Variants in RXYLT1 observed in about 807,000 individuals in gnomAD.
The protein encoded by RXYLT1 is ribitol-5-phosphate xylosyltransferase 1.
A neutral mutation model predicts 43.5 loss-of-function variants in RXYLT1; 41 were observed. The observed-to-expected ratio is 0.94, with a 90% CI of 0.73 to 1.22. RXYLT1 has a LOEUF of 1.22. Ranked by LOEUF, RXYLT1 falls within the 50% of genes most tolerant of loss-of-function variation. RXYLT1 has a pLI of 0.00. For synonymous variants in RXYLT1, 166 were observed against 194.4 expected (o/e 0.85, Z 1.21); for missense variants, 514 against 532.0 (o/e 0.97, Z 0.33).
At position 63,786,716 on chromosome 12, in the gene RXYLT1, A is replaced by G. The variant is rs139470639; in HGVS notation, c.428+1644A>G. On this transcript the variant is annotated intron_variant, in intron 3 of 5. Coordinates refer to ENST00000261234, the MANE Select transcript of RXYLT1 (RefSeq NM_014254.3). ...GACAATTTCTTAAAATAAGACAACA[A>G]TGAAGTTTGCCACATCAGTTGACTC... Among the ~76,000 whole-genome samples the G allele has an allele frequency of 6.6e-4, 100 of 152,284 alleles. 2 individuals carry two copies. The highest frequency in any genetic ancestry group is 2.4e-3 in the African/African-American group (98 of 41,560).
intron 3 of RXYLT1, 96 bp from the exon 4 acceptor site, chr12:63,801,995 C>T (rs1898169109): frequency 8.6e-7 from 1 of 1,167,390 alleles, no homozygotes; most frequent in Non-Finnish European, 1.2e-6. Context: ...GATTAAATCT[C>T]ATTGTAGATT....
At chr12:63,787,430 T>C (rs1373737190) in intron 3 of RXYLT1, among the ~76,000 whole-genome samples, 1 of 152,192 alleles carries the variant, frequency 6.6e-6, no homozygotes, top group Non-Finnish European at 1.5e-5. Flanking sequence ...AAGTCATCCA[T>C]GAGGGTTTAA....
chr12:63,785,028 T>G lies in RXYLT1; in HGVS notation c.384T>G (p.Ala128=), dbSNP rs772167432. Residue 128 remains alanine (A), a synonymous_variant, in exon 3 of 6, where the codon GCT becomes GCG. Transcript: ENST00000261234. ...EGLLDPSDVT[A]QWREGKSIVG... ...TACTTGATCCCAGCGATGTGACTGC[T>G]CAATGGAGAGAAGGAAAGTCAATCG... is the stretch of plus-strand genomic sequence containing the variant. 7 of 1,613,818 alleles carry G rather than the reference T, an allele frequency of 4.3e-6. No homozygotes were observed. Among genetic ancestry groups the G allele is most frequent in the Non-Finnish European group, 5.9e-6 (7 of 1,179,846 alleles).
At chr12:63,783,539 TCTCTA>T (rs564597506) in intron 2 of RXYLT1, among the ~76,000 whole-genome samples, 285 of 152,274 alleles carry the variant, frequency 1.9e-3, no homozygotes, top group African/African-American at 6.6e-3. Context: ...ATACAGGTTT[TCTCTA>T]CTCTACCTCA....
At chr12:63,783,234 G>A (rs1265444932) in intron 2 of RXYLT1, among the ~76,000 whole-genome samples, 1 of 152,186 alleles carries the variant, frequency 6.6e-6, no homozygotes, top group Non-Finnish European at 1.5e-5. Context: ...GCTGAGGCCG[G>A]TGGATCACTT....
intron 5 of RXYLT1, 158 bp from the exon 6 acceptor site, chr12:63,808,517 A>G: frequency 1.4e-6 from 1 of 715,328 alleles, no homozygotes; most frequent in Non-Finnish European, 2.2e-6. Flanking sequence ...TTTTTAAGAA[A>G]TCTGTTTGGG....
At chr12:63,803,108 G>C (rs1273808335) in intron 4 of RXYLT1, among the ~76,000 whole-genome samples, 1 of 129,450 alleles carries the variant, frequency 7.7e-6, no homozygotes, top group Non-Finnish European at 1.5e-5. Context: ...GATCACTTAA[G>C]CCCAGGAGAT....
chr12:63,785,180 T>G (rs1311352756), intron 3 of RXYLT1, 108 bp downstream of exon 3: 3 of 653,278 alleles, frequency 4.6e-6, no homozygotes, highest in Non-Finnish European at 7.2e-6. Flanking sequence ...ATAAAAATAC[T>G]TCTATTTCAA....
intron 4 of RXYLT1, chr12:63,804,273 AAATT>A (rs1295425272): frequency 6.6e-6 from 1 of 152,304 alleles, no homozygotes; most frequent in South Asian, 2.1e-4. Context: ...CCACAAGAAA[AAATT>A]AACCCAAAAT....
chr12:63,792,310 T>C (rs1897934224), intron 3 of RXYLT1, among the ~76,000 whole-genome samples: 1 of 152,250 alleles, frequency 6.6e-6, no homozygotes, highest in Non-Finnish European at 1.5e-5. Context: ...AAAAATGCAC[T>C]ATTTTGATAT....
intron 3 of RXYLT1, among the ~76,000 whole-genome samples, chr12:63,791,840 A>G (rs1477701405): frequency 6.6e-6 from 1 of 152,236 alleles, no homozygotes; most frequent in African/African-American, 2.4e-5. Context: ...ACATTTTGCA[A>G]GTTAGGAAAC....
intron 2 of RXYLT1, among the ~76,000 whole-genome samples, chr12:63,781,875 G>A (rs1897691413): frequency 6.6e-6 from 1 of 152,156 alleles, no homozygotes; most frequent in Admixed American, 6.5e-5. Context: ...AGTACCAGAT[G>A]AGAGGAAAAT....
chr12:63,800,623 A>G (rs1898137556), intron 3 of RXYLT1, among the ~76,000 whole-genome samples: 1 of 152,194 alleles, frequency 6.6e-6, no homozygotes, highest in Admixed American at 6.5e-5. Flanking sequence ...TTAAAAATAC[A>G]GTTAAAAAGA....
At chr12:63,785,956 T>C (rs1473614271) in intron 3 of RXYLT1, among the ~76,000 whole-genome samples, 1 of 152,144 alleles carries the variant, frequency 6.6e-6, no homozygotes, top group Non-Finnish European at 1.5e-5. Context: ...ATTGCATGTA[T>C]CTTTTCAAAG....
chr12:63,799,383 C>T (rs927381941), intron 3 of RXYLT1, among the ~76,000 whole-genome samples: 1 of 143,952 alleles, frequency 6.9e-6, no homozygotes, highest in African/African-American at 2.6e-5. Flanking sequence ...CAGCTCACTG[C>T]AGCCTTGACT....
At chr12:63,800,778 T>G (rs1380710836) in intron 3 of RXYLT1, among the ~76,000 whole-genome samples, 4 of 151,926 alleles carry the variant, frequency 2.6e-5, no homozygotes, top group Non-Finnish European at 5.9e-5. Flanking sequence ...AAAAATTAGT[T>G]GGGCATGGTG....
intron 4 of RXYLT1, 154 bp from the exon 5 acceptor site, chr12:63,805,080 T>C (rs1173640730): frequency 5.9e-6 from 3 of 505,502 alleles, no homozygotes; most frequent in Non-Finnish European, 9.6e-6. Flanking sequence ...ATTCAGGGAG[T>C]TTTCCAAAGT....
rs569257178 is a variant in RXYLT1, at chr12:63,792,193, G to A, written c.428+7121G>A. Among the ~76,000 whole-genome samples, 4 of 152,306 alleles carry A rather than the reference G, an allele frequency of 2.6e-5. No homozygotes were observed. In the South Asian group the frequency reaches 8.3e-4, roughly 32 times the overall value. On this transcript the variant is annotated intron_variant, in intron 3 of 5. Coordinates refer to ENST00000261234, the MANE Select transcript of RXYLT1 (RefSeq NM_014254.3). ...CCCTAAAGATCATTTTCAGTTTTTT[G>A]TAGTAAATGGAATCTTGAAATCTAA...
At chr12:63,780,333 C>T (rs1166608269) in intron 1 of RXYLT1, 7 of 1,290,274 alleles carry the variant, frequency 5.4e-6, no homozygotes, top group African/African-American at 4.7e-5. Flanking sequence ...TCTCACACGC[C>T]GTCCCCGCTC....
Sources: allele counts gnomAD v4.1 joint callset (sites outside exome capture counted in the v4.1 genomes callset), GRCh38; gene constraint gnomAD v4.1.1; transcripts MANE v1.5; gene names NCBI Gene and HGNC (gene_info 2026-07-23, HGNC 2026-07-21).